The following DONSON variants were observed in gnomAD, a reference collection of about 807,000 sequenced individuals.
The protein encoded by DONSON is DNA replication fork stabilization factor DONSON, also known as protein downstream neighbor of Son.
Under a neutral mutation model 62.1 loss-of-function variants are expected in DONSON, and 43 were observed. That is an observed-to-expected ratio of 0.69 (90% CI 0.54 to 0.89). The LOEUF (loss-of-function observed/expected upper bound fraction) is 0.89. DONSON is among the 40% of genes least tolerant of loss of function. DONSON has a pLI of 0.00. For synonymous variants in DONSON, 266 were observed against 264.6 expected, an observed-to-expected ratio of 1.01 and a Z score of -0.05; for missense variants, 696 against 697.5, an observed-to-expected ratio of 1.00 and a Z score of 0.03.
At position 33,582,348 on chromosome 21, in the gene DONSON, A is replaced by G. The variant is rs1002665870; in HGVS notation, c.965-102T>C. The G allele has an allele frequency of 6.6e-6, 6 of 903,722 alleles. No homozygotes were observed. In the African/African-American group the frequency reaches 1.0e-4, roughly 15 times the overall value. The allele number at this position is 903,722 out of a possible 1,614,324, so 56.0% of individuals were successfully genotyped here. On this transcript the variant is annotated intron_variant, in intron 5 of 9. Coordinates refer to ENST00000303071, the MANE Select transcript of DONSON (RefSeq NM_017613.4). ...AAATTTGAAATGTTAGTTTTTACAA[A>G]TGATCTATTAAGGCAGTAGAGTTTT...
Position 33,586,157 on chromosome 21 carries a change from G to A in DONSON, c.427C>T (p.Pro143Ser). The A allele has an allele frequency of 1.9e-6, 3 of 1,614,064 alleles. No individual in the cohort carries two copies. Among genetic ancestry groups the A allele is most frequent in the African/African-American group, 2.7e-5 (2 of 75,018 alleles). ...GTACTTTTTGAGGACGGAATATCAG[G>A]CTCGGAGAATGATACATGTGAAGTC... is the stretch of plus-strand genomic sequence containing the variant. The part of the protein sequence containing the change: ...PQTSHVSFSE[P>S]DIPSSKSTEL... The change falls in exon 3 of 10, where the codon CCT becomes TCT. Residue 143 changes from proline (P) to serine (S), a missense_variant. Transcript: ENST00000303071.
At chr21:33,587,806 G>A (rs1163911144) in intron 1 of DONSON, among the ~76,000 whole-genome samples, 2 of 152,176 alleles carry the variant, frequency 1.3e-5, no homozygotes, top group Admixed American at 1.3e-4. Context: ...AGGGACCGGC[G>A]TTTCAAACCG....
intron 5 of DONSON, among the ~76,000 whole-genome samples, chr21:33,582,495 G>C (rs2086525181): frequency 6.6e-6 from 1 of 152,064 alleles, no homozygotes; most frequent in Non-Finnish European, 1.5e-5. Flanking sequence ...TTCACTTTTT[G>C]AAAAAGTACT....
Position 33,579,525 on chromosome 21 carries a change from C to A in DONSON, c.1388G>T (p.Gly463Val), listed in dbSNP as rs190773441. The A allele has an allele frequency of 2.4e-4, 390 of 1,614,090 alleles. 4 individuals are homozygous for A. In the East Asian group the frequency reaches 7.9e-3, roughly 33 times the overall value. ...SVNVKTQALS[G>V]YRDQFSLEIT... Reference sequence around the variant, plus strand: ...CTCCAAACTAAATTGGTCTCTGTATCCAGAAAGAGCTTGTGTCTTCACATT... The same window carrying A: ...CTCCAAACTAAATTGGTCTCTGTATACAGAAAGAGCTTGTGTCTTCACATT... The change falls in exon 9 of 10, where the codon GGA (glycine) becomes GTA (valine). Residue 463 changes from glycine (G) to valine (V), a missense_variant. Physicochemically the swap from Gly to Val is moderately radical, Grantham distance 109. Coordinates refer to ENST00000303071, the MANE Select transcript of DONSON (RefSeq NM_017613.4).
At chr21:33,580,654 A>G (rs549085982) in intron 8 of DONSON, among the ~76,000 whole-genome samples, 2 of 151,366 alleles carry the variant, frequency 1.3e-5, no homozygotes, top group African/African-American at 4.9e-5. Context: ...AAATGTTCGT[A>G]TAATTTAAAA....
intron 3 of DONSON, among the ~76,000 whole-genome samples, chr21:33,585,532 C>T (rs764289786): frequency 6.6e-6 from 1 of 151,498 alleles, no homozygotes; most frequent in Non-Finnish European, 1.5e-5. Flanking sequence ...TGAGTTGATG[C>T]TTTAAAATAA....
intron 2 of DONSON, among the ~76,000 whole-genome samples, chr21:33,586,622 CACAAT>C (rs2086580244): frequency 6.6e-6 from 1 of 152,128 alleles, no homozygotes; most frequent in African/African-American, 2.4e-5. Flanking sequence ...CGACGTTCTC[CACAAT>C]ACAAGAATTT....
At chr21:33,581,206 C>A in intron 8 of DONSON, 96 bp downstream of exon 8, 3 of 1,146,488 alleles carry the variant, frequency 2.6e-6, no homozygotes, top group Non-Finnish European at 3.6e-6. Context: ...AAATATGTAC[C>A]AAGTAAAAAT....
intron 1 of DONSON, 147 bp downstream of exon 1, chr21:33,588,173 AG>A: frequency 1.7e-6 from 1 of 596,780 alleles, no homozygotes; most frequent in Non-Finnish European, 2.4e-6. Context: ...CGCGGCTCCC[AG>A]GGCGGGGTAC....
intron 9 of DONSON, 125 bp from the exon 10 acceptor site, chr21:33,578,569 G>A (rs1396948922): frequency 1.9e-6 from 2 of 1,081,022 alleles, no homozygotes; most frequent in Non-Finnish European, 1.2e-6. Context: ...ATTAATAGAA[G>A]TTGATGCTAA....
chr21:33,588,627 C>A lies in DONSON; in HGVS notation c.15G>T (p.Val5=), dbSNP rs531692338. Residue 5 remains valine, a synonymous_variant, in exon 1 of 10, where the codon GTG becomes GTT. Transcript: ENST00000303071. Reference sequence around the variant, plus strand: ...TTCGGAAGCCCGGTGAGTAGCCGGGCACCGAAAGGGCCATGACGCGCGGCG... The same window carrying A: ...TTCGGAAGCCCGGTGAGTAGCCGGGAACCGAAAGGGCCATGACGCGCGGCG... MALS[V]PGYSPGFRKP... is the part of the protein sequence containing the mutation. 69 of 1,241,862 alleles carry A rather than the reference C, an allele frequency of 5.6e-5. No individual in the cohort carries two copies. In the African/African-American group the frequency reaches 9.3e-4, roughly 17 times the overall value. 76.9% of individuals were successfully genotyped at this position (1,241,862 alleles called of 1,614,324 possible). A position where few individuals can be genotyped will look rare whatever the true frequency, so the allele number is the denominator to read the frequency against.
chr21:33,587,448 T>A, intron 2 of DONSON, 74 bp downstream of exon 2: 2 of 1,475,990 alleles, frequency 1.4e-6, no homozygotes, highest in Non-Finnish European at 1.8e-6. Flanking sequence ...AATGTATTTT[T>A]AAAAATAGGC....
Position 33,578,121 on chromosome 21 carries a change from G to A in DONSON, c.*186C>T, listed in dbSNP as rs2086457174. The A allele has an allele frequency of 3.4e-6, 2 of 594,684 alleles. No homozygotes were observed. The highest frequency in any genetic ancestry group is 6.1e-5 in the East Asian group (2 of 32,820). 36.8% of individuals were successfully genotyped at this position (594,684 alleles called of 1,614,324 possible). A position where few individuals can be genotyped will look rare whatever the true frequency, so the allele number is the denominator to read the frequency against. On this transcript the variant is annotated 3_prime_UTR_variant, in exon 10 of 10. Coordinates refer to ENST00000303071, the MANE Select transcript of DONSON (RefSeq NM_017613.4). ...TAGATATCTCATTTGAGTTATCTGA[G>A]TTTTTCATCTTTATATCTAAAAATC... is the stretch of plus-strand genomic sequence containing the variant.
Position 33,578,195 on chromosome 21 carries a change from TA to T in DONSON, c.*111del. The T allele has an allele frequency of 1.7e-6, 2 of 1,207,430 alleles. No homozygotes were observed. Among genetic ancestry groups the T allele is most frequent in the South Asian group, 1.6e-5 (1 of 62,050 alleles). 74.8% of individuals were successfully genotyped at this position (1,207,430 alleles called of 1,614,324 possible). On this transcript the variant is annotated 3_prime_UTR_variant, in exon 10 of 10. Coordinates refer to ENST00000303071, the MANE Select transcript of DONSON (RefSeq NM_017613.4). The stretch of plus-strand genomic sequence containing the variant: ...TTTAAAACCTTAGATGCTACTGTAG[TA>T]AAAGTTATGTTTATAAACATTTCAG...
At position 33,577,668 on chromosome 21, in the gene DONSON, CACACACACACACACACACACACACACA is replaced by C. The variant is rs1569073074; in HGVS notation, c.*612_*638del. Reference sequence around the variant, plus strand: ...ACACACACACACACACACACACACACACACACACACACACACACACACACACACACACACCCCTATAAGCACATTAAA... The same window carrying C: ...ACACACACACACACACACACACACACCACACACCCCTATAAGCACATTAAA... On this transcript the variant is annotated 3_prime_UTR_variant, in exon 10 of 10. Transcript: ENST00000303071. 4.0e-4 allele frequency: 41 copies of C among 102,210 alleles called. No individual in the cohort carries two copies. Among genetic ancestry groups the C allele is most frequent in the African/African-American group, 1.6e-3 (37 of 23,030 alleles). 6.3% of individuals were successfully genotyped at this position (102,210 alleles called of 1,614,324 possible).
intron 3 of DONSON, 25 bp from the exon 4 acceptor site, chr21:33,584,793 C>T (rs200119854): frequency 1.4e-6 from 2 of 1,457,240 alleles, no homozygotes; most frequent in South Asian, 1.5e-5. Flanking sequence ...TGACAGTGGG[C>T]AGTTTTTGCC....
Position 33,579,520 on chromosome 21 carries a change from T to C in DONSON, c.1393A>G (p.Arg465Gly), listed in dbSNP as rs2086481522. 6.2e-7 allele frequency: 1 copy of C among 1,614,172 alleles called. No homozygotes were observed. The highest frequency in any genetic ancestry group is 8.5e-7 in the Non-Finnish European group (1 of 1,179,974). ...NVKTQALSGY[R>G]DQFSLEITGP... ...GTAATCTCCAAACTAAATTGGTCTC[T>C]GTATCCAGAAAGAGCTTGTGTCTTC... Residue 465 changes from arginine (R) to glycine (G), a missense_variant, in exon 9 of 10, where the codon AGA (arginine) becomes GGA (glycine). Transcript: ENST00000303071.
At chr21:33,583,784 G>T in intron 4 of DONSON, 118 bp from the exon 5 acceptor site, 1 of 901,320 alleles carries the variant, frequency 1.1e-6, no homozygotes, top group Non-Finnish European at 1.6e-6. Flanking sequence ...TTAGATAATG[G>T]TTTTAATTTT....
Position 33,583,624 on chromosome 21 carries a change from T to C in DONSON, c.828A>G (p.Lys276=). The part of the protein sequence containing the change: ...FTSLYNLLKT[K]LCPYFYVCTY... ...TACAAACGTAGAAATAGGGGCAAAG[T>C]TTTGTCTTCAGCAAATTATATAGAG... Residue 276 remains lysine, a synonymous_variant, in exon 5 of 10, where the codon AAA becomes AAG. Coordinates refer to ENST00000303071, the MANE Select transcript of DONSON (RefSeq NM_017613.4). 6.2e-7 allele frequency: 1 copy of C among 1,612,340 alleles called. No individual in the cohort carries two copies.
Sources: allele counts gnomAD v4.1 joint callset (sites outside exome capture counted in the v4.1 genomes callset), GRCh38; gene constraint gnomAD v4.1.1; transcripts MANE v1.5; gene names NCBI Gene and HGNC (gene_info 2026-07-23, HGNC 2026-07-21).